PSAP: variants seen among roughly 807,000 people sequenced by gnomAD.
PSAP encodes prosaposin, also known as precursor of saposins.
Under a neutral mutation model 66.0 loss-of-function variants are expected in PSAP, and 25 were observed. The ratio of observed to expected loss-of-function variants is 0.38; its 90% CI spans 0.28 to 0.53. The LOEUF is 0.53. Among genes scored for constraint, PSAP ranks in the 20% least tolerant of loss-of-function variants. The pLI is 0.83. For synonymous variants in PSAP, 273 were observed against 258.9 expected, an observed-to-expected ratio of 1.05 and a Z score of -0.52; for missense variants, 649 against 668.8, an observed-to-expected ratio of 0.97 and a Z score of 0.33.
rs148197695 is a variant in PSAP at position 71,830,927 on chromosome 10, G to A, written c.375+199C>T. Among the ~76,000 whole-genome samples the A allele has an allele frequency of 4.6e-5, 7 of 152,234 alleles. No homozygotes were observed. The East Asian group carries it at 1.2e-3, about 25-fold the overall frequency. ...ACCAGTCCCCAGCAGCCGCACCCTC[G>A]CTAACCCCAGGGCAAGTTACATACA... On this transcript the variant is annotated intron_variant, in intron 4 of 13. Coordinates refer to ENST00000394936, the MANE Select transcript of PSAP (RefSeq NM_002778.4).
chr10:71,828,741 C>A, intron 5 of PSAP, 136 bp downstream of exon 5: 1 of 859,370 alleles, frequency 1.2e-6, no homozygotes, highest in Non-Finnish European at 1.8e-6. Flanking sequence ...CATTTAAAGG[C>A]TGGCTCATGT....
chr10:71,822,303 A>C, intron 7 of PSAP: 1 of 462,782 alleles, frequency 2.2e-6, no homozygotes. Flanking sequence ...CACCTTCCAC[A>C]TCTCCAAGGA....
At chr10:71,849,746 C>T (rs562352126) in intron 1 of PSAP, among the ~76,000 whole-genome samples, 3 of 152,188 alleles carry the variant, frequency 2.0e-5, no homozygotes, top group East Asian at 3.9e-4. Context: ...TAGGCTCAAG[C>T]GATCCTCCCA....
chr10:71,831,746 G>T, intron 3 of PSAP, 100 bp downstream of exon 3: 1 of 1,204,562 alleles, frequency 8.3e-7, no homozygotes, highest in Non-Finnish European at 1.2e-6. Context: ...CCACCCTCAG[G>T]CCTACACCAT....
At chr10:71,835,078 T>G (rs1394394362) in intron 1 of PSAP, among the ~76,000 whole-genome samples, 1 of 150,318 alleles carries the variant, frequency 6.7e-6, no homozygotes, top group African/African-American at 2.4e-5. Flanking sequence ...CTACTAAAAA[T>G]ACAAAAAAAA....
In PSAP at chr10:71,821,921, G is replaced by A. The variant is rs747491605; in HGVS notation, c.864C>T (p.Ala288=). 6.8e-5 allele frequency: 110 copies of A among 1,614,086 alleles called. No homozygotes were observed. The highest frequency in any genetic ancestry group is 2.3e-4 in the Admixed American group (14 of 60,014). The change falls in exon 8 of 14, where the codon GCC becomes GCT. Residue 288 remains alanine (A), a synonymous_variant. Transcript: ENST00000394936. The part of the protein sequence containing the change: ...PMQTLVPAKV[A]SKNVIPALEL... ...CCAGGGCAGGGATGACATTCTTGGA[G>A]GCCACTTTGGCGGGGACCAGAGTCT...
In PSAP at chr10:71,816,551, G is replaced by A. The variant is rs977919023; in HGVS notation, c.*890C>T. 42 of 443,108 alleles carry A rather than the reference G, an allele frequency of 9.5e-5. No individual in the cohort carries two copies. The highest frequency in any genetic ancestry group is 4.1e-4 in the South Asian group (26 of 63,640). The allele number at this position is 443,108 out of a possible 1,614,324, so 27.4% of individuals were successfully genotyped here. On this transcript the variant is annotated 3_prime_UTR_variant, in exon 14 of 14. Transcript: ENST00000394936. Reference sequence around the variant, plus strand: ...CAGGAAGCCAGAGGCCTAGGAGCTCGCCATCCATATTTATTTGAAAAGGTC... The same window carrying A: ...CAGGAAGCCAGAGGCCTAGGAGCTCACCATCCATATTTATTTGAAAAGGTC...
At chr10:71,833,039 C>A (rs111906658) in intron 2 of PSAP, among the ~76,000 whole-genome samples, 31,773 of 90,176 alleles carry the variant, frequency 0.35, 7,929 homozygotes, top group Middle Eastern at 0.49. Context: ...AAACAAAAAA[C>A]AAAAACAGAA....
In PSAP at chr10:71,819,607, G is replaced by A. The variant is rs1041024332; in HGVS notation, c.1208C>T (p.Pro403Leu). 3 of 1,614,072 alleles carry A rather than the reference G, an allele frequency of 1.9e-6. No individual in the cohort carries two copies. Among genetic ancestry groups the A allele is most frequent in the Admixed American group, 3.3e-5 (2 of 60,010 alleles). ...CACTTCGCAGAAGCCACCGTCCTTT[G>A]GCTGAGTCACGTGAACTACATAAGA... ...LPALTVHVTQ[P>L]KDGGFCEVCK... Residue 403 changes from proline to leucine, a missense_variant, in exon 11 of 14, where the codon CCA becomes CTA. Pro to Leu is a moderately conservative substitution (Grantham distance 98). Coordinates refer to ENST00000394936, the MANE Select transcript of PSAP (RefSeq NM_002778.4).
intron 1 of PSAP, among the ~76,000 whole-genome samples, chr10:71,848,105 T>A (rs895586221): frequency 6.6e-6 from 1 of 152,168 alleles, no homozygotes; most frequent in African/African-American, 2.4e-5. Flanking sequence ...ATACCCTCCA[T>A]GATCCCATTT....
At chr10:71,833,042 AAAC>A (rs1842552220) in intron 2 of PSAP, among the ~76,000 whole-genome samples, 13 of 148,192 alleles carry the variant, frequency 8.8e-5, no homozygotes, top group African/African-American at 2.3e-4. Context: ...CAAAAAACAA[AAAC>A]AGAAGGCCGG....
intron 8 of PSAP, among the ~76,000 whole-genome samples, chr10:71,821,446 C>A (rs1732165889): frequency 6.6e-6 from 1 of 152,154 alleles, no homozygotes; most frequent in Admixed American, 6.5e-5. Context: ...AAAATAGACA[C>A]CCACATGTAC....
intron 1 of PSAP, among the ~76,000 whole-genome samples, chr10:71,850,224 G>C (rs1842901772): frequency 6.6e-6 from 1 of 152,146 alleles, no homozygotes; most frequent in African/African-American, 2.4e-5. Context: ...CTAAGAGCCA[G>C]TCACCCTTTC....
chr10:71,849,678 T>G (rs936129057), intron 1 of PSAP, among the ~76,000 whole-genome samples: 3 of 152,034 alleles, frequency 2.0e-5, no homozygotes, highest in Non-Finnish European at 4.4e-5. Flanking sequence ...TTCTTTTCTC[T>G]TTTTCTTTTT....
intron 4 of PSAP, among the ~76,000 whole-genome samples, chr10:71,830,367 T>C (rs1353058890): frequency 6.6e-6 from 1 of 152,196 alleles, no homozygotes; most frequent in Non-Finnish European, 1.5e-5. Context: ...ACATCACATC[T>C]CACTCACAAA....
chr10:71,830,947 C>G (rs1842499236), intron 4 of PSAP, among the ~76,000 whole-genome samples, 179 bp downstream of exon 4: 1 of 152,204 alleles, frequency 6.6e-6, no homozygotes, highest in South Asian at 2.1e-4. Context: ...GGGCAAGTTA[C>G]ATACAGAGTG....
chr10:71,828,163 G>A lies in PSAP; in HGVS notation c.577-6C>T. On this transcript the variant is annotated splice_polypyrimidine_tract_variant and splice_region_variant and intron_variant, in intron 5 of 13. Coordinates refer to ENST00000394936, the MANE Select transcript of PSAP (RefSeq NM_002778.4). ...TGGCAAACGTCCCCATTATCCTACAGAAGAGGCAGTTAGGTTTGCAACTTA... is the reference window on the plus strand; with the variant it reads ...TGGCAAACGTCCCCATTATCCTACAAAAGAGGCAGTTAGGTTTGCAACTTA... 6.2e-7 allele frequency: 1 copy of A among 1,614,160 alleles called. No individual in the cohort carries two copies. The highest frequency in any genetic ancestry group is 2.2e-5 in the East Asian group (1 of 44,890).
intron 1 of PSAP, among the ~76,000 whole-genome samples, chr10:71,846,782 T>C (rs1253448386): frequency 6.9e-6 from 1 of 145,268 alleles, no homozygotes; most frequent in African/African-American, 2.6e-5. Flanking sequence ...GTAATTCTAA[T>C]TAGTACTCTC....
intron 2 of PSAP, 44 bp downstream of exon 2, chr10:71,834,328 C>T: frequency 6.2e-7 from 1 of 1,611,488 alleles, no homozygotes; most frequent in Non-Finnish European, 8.5e-7. Flanking sequence ...TAAGGGGACC[C>T]AAGAGGAGTG....
Sources: gnomAD v4.1 joint callset for allele counts (sites outside exome capture counted in the v4.1 genomes callset) on GRCh38, gnomAD v4.1.1 for gene constraint, MANE v1.5 for transcripts, NCBI Gene and HGNC (gene_info 2026-07-23, HGNC 2026-07-21) for gene names.